The following LRP1B variants were observed in gnomAD, a reference collection of about 807,000 sequenced individuals.
The protein encoded by LRP1B is low-density lipoprotein receptor-related protein 1B.
Under a neutral mutation model 556.6 loss-of-function variants are expected in LRP1B, and 217 were observed. The observed-to-expected ratio is 0.39, with a 90% confidence interval of 0.35 to 0.44. The LOEUF (loss-of-function observed/expected upper bound fraction) is 0.44, where lower values mean the gene tolerates loss of function less well. Ranked by LOEUF, LRP1B falls within the 20% of genes least tolerant of loss-of-function variation. The pLI, the probability that LRP1B is intolerant of heterozygous loss-of-function variation, is 1.00. For missense variants in LRP1B, 5,053 were observed against 5,620.8 expected (o/e 0.90, Z 3.23); for synonymous variants, 2,047 against 1,865.8 (o/e 1.10, Z -2.50).
chr2:141,858,989 T>G (rs1035484509), intron 1 of LRP1B, among the ~76,000 whole-genome samples: 6 of 150,368 alleles, frequency 4.0e-5, no homozygotes, highest in African/African-American at 1.5e-4. Flanking sequence ...CTGGAATACT[T>G]TCTAGCAAGG....
intron 35 of LRP1B, among the ~76,000 whole-genome samples, chr2:140,751,447 C>A (rs6755417): frequency 6.6e-6 from 1 of 152,164 alleles, no homozygotes; most frequent in East Asian, 1.9e-4. Context: ...TAACAGCACA[C>A]AGTGGTCCTC....
intron 3 of LRP1B, among the ~76,000 whole-genome samples, chr2:141,468,330 T>A (rs983970496): frequency 1.3e-5 from 2 of 152,066 alleles, no homozygotes; most frequent in African/African-American, 4.8e-5. Flanking sequence ...GTTTTGAAAA[T>A]GGGAACAAAT....
chr2:142,049,081 A>C (rs1574631790), intron 1 of LRP1B, among the ~76,000 whole-genome samples: 1 of 152,146 alleles, frequency 6.6e-6, no homozygotes, highest in African/African-American at 2.4e-5. Context: ...TAAATGTATG[A>C]AGCTACTATA....
intron 1 of LRP1B, among the ~76,000 whole-genome samples, chr2:142,030,540 A>T (rs1014995403): frequency 2.6e-5 from 4 of 151,960 alleles, no homozygotes; most frequent in Non-Finnish European, 5.9e-5. Context: ...TGAAGGAATT[A>T]TGAAGGAATA....
At chr2:141,556,988 T>A (rs1284364846) in intron 2 of LRP1B, among the ~76,000 whole-genome samples, 1 of 151,750 alleles carries the variant, frequency 6.6e-6, no homozygotes, top group Non-Finnish European at 1.5e-5. Context: ...TCCCAGAGGA[T>A]TGGATGTAAA....
At chr2:141,199,413 A>G (rs980293845) in intron 6 of LRP1B, among the ~76,000 whole-genome samples, 1 of 152,210 alleles carries the variant, frequency 6.6e-6, no homozygotes, top group South Asian at 2.1e-4. Context: ...TTCAGTCTGC[A>G]CTTTTTTCCC....
chr2:140,997,739 C>T (rs761170292), intron 15 of LRP1B, among the ~76,000 whole-genome samples: 13 of 151,772 alleles, frequency 8.6e-5, no homozygotes, highest in Non-Finnish European at 1.8e-4. Context: ...CTCTTATTGC[C>T]TCTTTATTTG....
intron 2 of LRP1B, among the ~76,000 whole-genome samples, chr2:141,489,063 C>T (rs1010654435): frequency 1.4e-5 from 2 of 148,118 alleles, no homozygotes; most frequent in African/African-American, 2.5e-5. Context: ...GCAGCCTTCA[C>T]CTTCTGGGCT....
rs561436927 is a variant in LRP1B at position 141,242,175 on chromosome 2, TAAG to T, written c.592+5048_592+5050del. 2.8e-3 allele frequency among the ~76,000 whole-genome samples: 426 copies of T among 152,210 alleles called. 2 individuals are homozygous for T. The highest frequency in any genetic ancestry group is 9.7e-3 in the African/African-American group (402 of 41,554). On this transcript the variant is annotated intron_variant, in intron 5 of 90. Transcript: ENST00000389484. The stretch of plus-strand genomic sequence containing the variant: ...ATTTCAGGCATTACTCAGTGGCTGA[TAAG>T]AAGGTGATACTATGTGGCAGAGAAT...
chr2:141,451,290 C>G (rs931693222), intron 3 of LRP1B, among the ~76,000 whole-genome samples: 2 of 152,100 alleles, frequency 1.3e-5, no homozygotes, highest in African/African-American at 4.8e-5. Context: ...TTGTATCCAT[C>G]CAATGTTTTA....
chr2:141,335,890 C>T (rs1573822647), intron 3 of LRP1B, among the ~76,000 whole-genome samples: 1 of 151,964 alleles, frequency 6.6e-6, no homozygotes, highest in African/African-American at 2.4e-5. Flanking sequence ...ACAGTGTTGG[C>T]AAGGACACAA....
intron 6 of LRP1B, among the ~76,000 whole-genome samples, chr2:141,217,763 G>T (rs936159201): frequency 1.3e-5 from 2 of 152,086 alleles, no homozygotes; most frequent in African/African-American, 2.4e-5. Context: ...AAGAGCTTCT[G>T]CTTAGCAAAG....
At chr2:141,285,366 C>A (rs1227559811) in intron 3 of LRP1B, among the ~76,000 whole-genome samples, 1 of 149,082 alleles carries the variant, frequency 6.7e-6, no homozygotes, top group African/African-American at 2.5e-5. Context: ...GGATTACAGG[C>A]GTGAGCTACC....
At chr2:141,599,765 T>C (rs899124266) in intron 2 of LRP1B, among the ~76,000 whole-genome samples, 2 of 135,642 alleles carry the variant, frequency 1.5e-5, no homozygotes, top group African/African-American at 4.9e-5. Flanking sequence ...TCTTGTTTTC[T>C]CAAAAACAAC....
intron 37 of LRP1B, among the ~76,000 whole-genome samples, chr2:140,713,627 C>G (rs1574272037): frequency 6.6e-6 from 1 of 151,868 alleles, no homozygotes; most frequent in African/African-American, 2.4e-5. Context: ...AAGGCATGAC[C>G]CTGGCAATTT....
chr2:141,290,033 TC>T (rs1394739157), intron 3 of LRP1B, among the ~76,000 whole-genome samples: 2 of 152,208 alleles, frequency 1.3e-5, no homozygotes, highest in Non-Finnish European at 2.9e-5. Flanking sequence ...GTACTAGTTC[TC>T]AAACTTCACA....
At chr2:141,854,287 G>A (rs1300219664) in intron 1 of LRP1B, among the ~76,000 whole-genome samples, 1 of 151,904 alleles carries the variant, frequency 6.6e-6, no homozygotes, top group Non-Finnish European at 1.5e-5. Context: ...AATTGTGGCT[G>A]ATAATTTCTA....
intron 86 of LRP1B, among the ~76,000 whole-genome samples, chr2:140,260,412 A>T (rs1308941454): frequency 6.6e-6 from 1 of 151,922 alleles, no homozygotes; most frequent in Admixed American, 6.6e-5. Context: ...GCAATAAGAG[A>T]TGTCATTGTT....
rs1275734386 is a variant in LRP1B at position 140,350,887 on chromosome 2, C to T, written c.11802G>A (p.Met3934Ile). The change falls in exon 77 of 91, where the codon ATG becomes ATA. Residue 3934 changes from methionine to isoleucine, a missense_variant. Met to Ile is a conservative substitution (Grantham distance 10, BLOSUM62 1). Around this residue, in one of 5 missense-constraint regions of LRP1B, gnomAD observed 599 missense variants for 648.4 expected, o/e 0.92. Transcript: ENST00000389484. ...TGMDVYYQRD[M>I]IIWSTQFNPG... The stretch of plus-strand genomic sequence containing the variant: ...GATTAAACTGAGTACTCCAAATAAT[C>T]ATATCTCTTTGATAATATACATCCA... 1 of 1,610,254 alleles carries T rather than the reference C, an allele frequency of 6.2e-7. No individual in the cohort carries two copies. The highest frequency in any genetic ancestry group is 1.1e-5 in the South Asian group (1 of 90,934).
Sources: allele counts gnomAD v4.1 joint callset (sites outside exome capture counted in the v4.1 genomes callset), GRCh38; gene constraint gnomAD v4.1.1; regional missense constraint gnomAD v4.1.1; transcripts MANE v1.5; gene names NCBI Gene and HGNC (gene_info 2026-07-23, HGNC 2026-07-21).